The following PHF14 variants were observed in gnomAD, a reference collection of about 807,000 sequenced individuals.
PHF14 encodes the protein PHD finger protein 14.
In PHF14, 55 loss-of-function variants were observed where a neutral mutation model predicts 117.9. The observed-to-expected ratio is 0.47, with a 90% CI of 0.38 to 0.58. The LOEUF (loss-of-function observed/expected upper bound fraction) is 0.58, where lower values mean the gene tolerates loss of function less well. Ranked by LOEUF, PHF14 falls within the 20% of genes least tolerant of loss-of-function variation. The probability of loss-of-function intolerance (pLI) is 0.00; values close to 1 mark genes in which losing one functional copy is unlikely to be tolerated. For missense variants in PHF14, 978 were observed against 1,122.2 expected, an observed-to-expected ratio of 0.87 and a Z score of 1.84; for synonymous variants, 409 against 368.6, an observed-to-expected ratio of 1.11 and a Z score of -1.26.
intron 14 of PHF14, among the ~76,000 whole-genome samples, chr7:11,056,224 C>T (rs929050863): frequency 6.6e-6 from 1 of 152,044 alleles, no homozygotes; most frequent in Non-Finnish European, 1.5e-5. Flanking sequence ...TGCTTTTTGC[C>T]TCTTGGAAAT....
At chr7:11,059,599 C>T (rs1785139715) in intron 14 of PHF14, among the ~76,000 whole-genome samples, 2 of 151,958 alleles carry the variant, frequency 1.3e-5, no homozygotes, top group South Asian at 2.1e-4. Flanking sequence ...AACATGGCAA[C>T]CCGTTCTCTA....
At chr7:11,164,414 TA>T (rs1399198261) in intron 17 of PHF14, among the ~76,000 whole-genome samples, 6 of 152,108 alleles carry the variant, frequency 3.9e-5, no homozygotes, top group African/African-American at 1.4e-4. Flanking sequence ...AAATCAATAA[TA>T]TCAACATTAT....
At chr7:11,069,801 C>A (rs1252601198) in intron 16 of PHF14, among the ~76,000 whole-genome samples, 1 of 151,398 alleles carries the variant, frequency 6.6e-6, no homozygotes, top group African/African-American at 2.4e-5. Context: ...GGAATTACCA[C>A]CGTGGCTTGG....
chr7:11,139,095 A>G (rs938063475), intron 17 of PHF14, among the ~76,000 whole-genome samples: 1 of 152,202 alleles, frequency 6.6e-6, no homozygotes, highest in Admixed American at 6.5e-5. Flanking sequence ...ATTTATATAC[A>G]TATGAAAAAT....
At chr7:11,021,898 A>C (rs10247314) in intron 5 of PHF14, among the ~76,000 whole-genome samples, 1,947 of 152,294 alleles carry the variant, frequency 0.013, 35 homozygotes, top group African/African-American at 0.045. Context: ...CACAAAAACC[A>C]GAACCATGTA....
intron 16 of PHF14, chr7:11,063,641 G>T (rs1157209679): frequency 1.0e-6 from 1 of 974,534 alleles, no homozygotes; most frequent in African/African-American, 1.8e-5. Flanking sequence ...TTTGCTGTAG[G>T]ACTTAGAGGT....
chr7:11,036,846 C>A, intron 9 of PHF14, 139 bp from the exon 10 acceptor site: 1 of 932,642 alleles, frequency 1.1e-6, no homozygotes, highest in South Asian at 1.7e-5. Context: ...TTACAAAATG[C>A]TAGGTTCATT....
At chr7:11,051,581 T>C (rs1311979574) in intron 13 of PHF14, 31 bp from the exon 14 acceptor site, 2 of 1,575,328 alleles carry the variant, frequency 1.3e-6, no homozygotes, top group Non-Finnish European at 1.7e-6. Context: ...TAATAATAAA[T>C]GCATGACTTA....
At chr7:11,068,799 G>A (rs536527483) in intron 16 of PHF14, among the ~76,000 whole-genome samples, 4 of 152,228 alleles carry the variant, frequency 2.6e-5, no homozygotes, top group South Asian at 4.1e-4. Flanking sequence ...AAAGGGGCTG[G>A]GGCAGGGGGA....
In PHF14 at chr7:11,061,373, A is replaced by G. The variant is rs575267357; in HGVS notation, c.2482-418A>G. ...TACATAAACATGTATGCACATGCAT[A>G]TATGTAGGCAAACAATGTGTGTAGT... On this transcript the variant is annotated intron_variant, in intron 14 of 17. Coordinates refer to ENST00000634607, the MANE Select transcript of PHF14 (RefSeq NM_001007157.2). The G allele has an allele frequency of 8.8e-4, 134 of 152,832 alleles. 1 individual carries two copies. The highest frequency in any genetic ancestry group is 3.4e-3 in the Middle Eastern group (1 of 294). The allele number at this position is 152,832 out of a possible 1,614,324, so 9.5% of individuals were successfully genotyped here. A position where few individuals can be genotyped will look rare whatever the true frequency, so the allele number is the denominator to read the frequency against.
At chr7:11,009,427 C>G (rs1783257572) in intron 4 of PHF14, among the ~76,000 whole-genome samples, 1 of 152,012 alleles carries the variant, frequency 6.6e-6, no homozygotes, top group South Asian at 2.1e-4. Flanking sequence ...AAGATTGATG[C>G]TAATTAAATG....
chr7:10,985,388 A>G (rs1392216410), intron 3 of PHF14, among the ~76,000 whole-genome samples: 1 of 152,140 alleles, frequency 6.6e-6, no homozygotes, highest in African/African-American at 2.4e-5. Flanking sequence ...TTAGAAATAC[A>G]TAATAGAAAT....
intron 5 of PHF14, among the ~76,000 whole-genome samples, chr7:11,018,099 G>T (rs894546792): frequency 6.6e-6 from 1 of 152,122 alleles, no homozygotes; most frequent in Non-Finnish European, 1.5e-5. Flanking sequence ...TCTGAGTTCT[G>T]TATTTTGTTC....
intron 17 of PHF14, among the ~76,000 whole-genome samples, chr7:11,150,235 C>T (rs1251103283): frequency 6.6e-6 from 1 of 152,044 alleles, no homozygotes; most frequent in Non-Finnish European, 1.5e-5. Flanking sequence ...CTACAATACG[C>T]ATTAGAATGC....
At chr7:11,011,805 T>A (rs182083816) in intron 4 of PHF14, among the ~76,000 whole-genome samples, 2 of 152,320 alleles carry the variant, frequency 1.3e-5, no homozygotes, top group Non-Finnish European at 2.9e-5. Context: ...TCCACTACCA[T>A]TTGGGAAAAA....
In PHF14 at chr7:11,030,494, T is replaced by A. The variant is rs146392282; in HGVS notation, c.1455+1676T>A. ...AACAAAAATGTGTGAAGCAGCCATG[T>A]TTGGGACAGTGGGGTGTAATGGAGT... is the stretch of plus-strand genomic sequence containing the variant. On this transcript the variant is annotated intron_variant, in intron 7 of 17. Coordinates refer to ENST00000634607, the MANE Select transcript of PHF14 (RefSeq NM_001007157.2). 2.0e-3 allele frequency among the ~76,000 whole-genome samples: 300 copies of A among 152,228 alleles called. 1 individual carries two copies. Among genetic ancestry groups the A allele is most frequent in the African/African-American group, 7.1e-3 (294 of 41,544 alleles).
At chr7:11,097,601 C>G (rs1786925863) in intron 16 of PHF14, among the ~76,000 whole-genome samples, 1 of 152,162 alleles carries the variant, frequency 6.6e-6, no homozygotes, top group Admixed American at 6.5e-5. Context: ...AGTATCCCCA[C>G]CATGTTGTTA....
chr7:11,163,296 ATGCTT>A (rs1789103623), intron 17 of PHF14, among the ~76,000 whole-genome samples: 1 of 152,168 alleles, frequency 6.6e-6, no homozygotes, highest in South Asian at 2.1e-4. Flanking sequence ...AAAAATTCTT[ATGCTT>A]TTTACAGTAA....
At chr7:11,123,171 AT>A (rs1787825021) in intron 17 of PHF14, among the ~76,000 whole-genome samples, 1 of 152,032 alleles carries the variant, frequency 6.6e-6, no homozygotes, top group African/African-American at 2.4e-5. Flanking sequence ...TACCACACCC[AT>A]TTTGCAACAG....
Sources: allele counts gnomAD v4.1 joint callset (sites outside exome capture counted in the v4.1 genomes callset), GRCh38; gene constraint gnomAD v4.1.1; transcripts MANE v1.5; gene names NCBI Gene and HGNC (gene_info 2026-07-23, HGNC 2026-07-21).